The following C9orf153 variants were observed in gnomAD, a reference collection of about 807,000 sequenced individuals.
C9orf153 encodes chromosome 9 open reading frame 153.
C9orf153 carries 10 observed loss-of-function variants against 9.0 expected under a neutral mutation model. The observed-to-expected ratio is 1.11, with a 90% CI of 0.69 to 1.89. The LOEUF (loss-of-function observed/expected upper bound fraction) is 1.89. Ranked by LOEUF, C9orf153 falls within the 40% of genes most tolerant of loss-of-function variation. The pLI is 0.00. For missense variants in C9orf153, 108 were observed against 111.0 expected, an observed-to-expected ratio of 0.97 and a Z score of 0.12; for synonymous variants, 35 against 37.3, an observed-to-expected ratio of 0.94 and a Z score of 0.23.
chr9:86,239,464 C>T (rs968315040), intron 1 of C9orf153, among the ~76,000 whole-genome samples: 15 of 152,166 alleles, frequency 9.9e-5, no homozygotes, highest in African/African-American at 3.6e-4. Flanking sequence ...AGGCAGCTGT[C>T]TGTAGAAATT....
Position 86,221,458 on chromosome 9 carries a change from C to T in C9orf153, c.*230G>A. 8.4e-7 allele frequency: 1 copy of T among 1,192,572 alleles called. No individual in the cohort carries two copies. The highest frequency in any genetic ancestry group is 1.1e-6 in the Non-Finnish European group (1 of 934,972). The allele number at this position is 1,192,572 out of a possible 1,614,324, so 73.9% of individuals were successfully genotyped here. ...TTTTTGTGTATTAAATCAATGCTCTCAAAAGCAAAAATCTACGTCCAAAAT... is the reference window on the plus strand; with the variant it reads ...TTTTTGTGTATTAAATCAATGCTCTTAAAAGCAAAAATCTACGTCCAAAAT... On this transcript the variant is annotated 3_prime_UTR_variant, in exon 4 of 4. Coordinates refer to ENST00000339137, the MANE Select transcript of C9orf153 (RefSeq NM_001276366.4).
In C9orf153 at chr9:86,221,802, T is replaced by G; in HGVS notation, c.243-69A>C. 4.6e-6 allele frequency: 5 copies of G among 1,075,708 alleles called. No homozygotes were observed. In the East Asian group the frequency reaches 1.1e-4, roughly 23 times the overall value. The allele number at this position is 1,075,708 out of a possible 1,614,324, so 66.6% of individuals were successfully genotyped here. On this transcript the variant is annotated intron_variant, in intron 3 of 3. Coordinates refer to ENST00000339137, the MANE Select transcript of C9orf153 (RefSeq NM_001276366.4). ...TCAGCCTTTCATTACTCAGAGATGC[T>G]TCATGGACAGGGTAAACCTTTGATG...
intron 1 of C9orf153, among the ~76,000 whole-genome samples, chr9:86,236,474 G>C (rs1824590732): frequency 6.6e-6 from 1 of 151,020 alleles, no homozygotes; most frequent in Non-Finnish European, 1.5e-5. Context: ...GCTTGAACCT[G>C]GGAGGCAGAG....
Position 86,227,522 on chromosome 9 carries a change from T to C in C9orf153, c.242+333A>G. 10 of 1,363,948 alleles carry C rather than the reference T, an allele frequency of 7.3e-6. No homozygotes were observed. In the South Asian group the frequency reaches 2.0e-4, roughly 27 times the overall value. 84.5% of individuals were successfully genotyped at this position (1,363,948 alleles called of 1,614,324 possible). ...AGATTTCCATTCCTTTTCTCCCACA[T>C]GGCCTCATCTGTTTAAATTACCTGG... On this transcript the variant is annotated intron_variant, in intron 3 of 3. Coordinates refer to ENST00000339137, the MANE Select transcript of C9orf153 (RefSeq NM_001276366.4).
intron 1 of C9orf153, among the ~76,000 whole-genome samples, chr9:86,241,848 ACTC>A (rs1398568170): frequency 6.6e-6 from 1 of 151,326 alleles, no homozygotes; most frequent in Non-Finnish European, 1.5e-5. Flanking sequence ...CTGGTCTTGA[ACTC>A]CTGGCCTCAA....
chr9:86,240,075 A>T (rs904196261), intron 1 of C9orf153, among the ~76,000 whole-genome samples: 1 of 152,200 alleles, frequency 6.6e-6, no homozygotes, highest in Non-Finnish European at 1.5e-5. Context: ...TTCTGTGAAC[A>T]TTTACTATAT....
chr9:86,234,888 G>A (rs867036053), intron 1 of C9orf153, among the ~76,000 whole-genome samples: 1 of 152,160 alleles, frequency 6.6e-6, no homozygotes, highest in Non-Finnish European at 1.5e-5. Flanking sequence ...TATGGGCAAC[G>A]GGACTTCTAG....
Position 86,245,118 on chromosome 9 carries a change from A to T in C9orf153, c.-27+14432T>A, listed in dbSNP as rs570933749. Among the ~76,000 whole-genome samples the T allele has an allele frequency of 2.6e-5, 4 of 152,164 alleles. No homozygotes were observed. In the South Asian group the frequency reaches 8.3e-4, roughly 32 times the overall value. On this transcript the variant is annotated intron_variant, in intron 1 of 3. Transcript: ENST00000339137. ...ATTTTTGTGTTTTTAGTAGAGACGG[A>T]GTCTCACCGTGTTGGCCAGGCTGGT...
rs578115616 is a variant in C9orf153, at chr9:86,249,281, G to A, written c.-27+10269C>T. On this transcript the variant is annotated intron_variant, in intron 1 of 3. Transcript: ENST00000339137. The stretch of plus-strand genomic sequence containing the variant: ...GAGTGTGGACAGCCATTCAGAGACT[G>A]TTCCTTTCTTTTTAGAGCAGGAGTC... Among the ~76,000 whole-genome samples the A allele has an allele frequency of 3.9e-5, 6 of 152,280 alleles. No homozygotes were observed. The South Asian group carries it at 1.2e-3, about 32-fold the overall frequency.
intron 3 of C9orf153, chr9:86,227,324 T>TTTAG (rs768335029): frequency 7.5e-6 from 11 of 1,460,244 alleles, no homozygotes; most frequent in Non-Finnish European, 9.0e-6. Context: ...TTTTTATTTA[T>TTTAG]TTATTTATTT....
chr9:86,240,711 T>TC (rs1554685458), intron 1 of C9orf153, among the ~76,000 whole-genome samples: 39 of 34,300 alleles, frequency 1.1e-3, no homozygotes, highest in East Asian at 0.019. Context: ...CTTTTTCTTT[T>TC]TTTTTTTTTT....
At chr9:86,236,510 T>C (rs372493593) in intron 1 of C9orf153, among the ~76,000 whole-genome samples, 1 of 147,190 alleles carries the variant, frequency 6.8e-6, no homozygotes, top group African/African-American at 2.5e-5. Context: ...TATCACGCCA[T>C]TGCACTCCAG....
intron 1 of C9orf153, among the ~76,000 whole-genome samples, chr9:86,252,993 A>AC (rs1357072343): frequency 1.7e-5 from 2 of 117,078 alleles, no homozygotes; most frequent in Non-Finnish European, 3.9e-5. Context: ...AGTTAAGAAA[A>AC]CTTTTTTTTT....
At chr9:86,225,100 G>C (rs1053842568) in intron 3 of C9orf153, among the ~76,000 whole-genome samples, 2 of 152,106 alleles carry the variant, frequency 1.3e-5, no homozygotes, top group African/African-American at 2.4e-5. Flanking sequence ...GAGCTCATAC[G>C]ATAGAAGAGC....
chr9:86,245,172 C>T (rs558675098), intron 1 of C9orf153, among the ~76,000 whole-genome samples: 66 of 152,302 alleles, frequency 4.3e-4, no homozygotes, highest in South Asian at 3.5e-3. Context: ...GGTGATCCAC[C>T]CACCTCGGCC....
In C9orf153 at chr9:86,220,616, T is replaced by C. The variant is rs1824176114; in HGVS notation, c.*1072A>G. 6.6e-6 allele frequency: 1 copy of C among 152,200 alleles called. No individual in the cohort carries two copies. The highest frequency in any genetic ancestry group is 2.1e-4 in the South Asian group (1 of 4,832). The allele number at this position is 152,200 out of a possible 1,614,324, so 9.4% of individuals were successfully genotyped here. ...TTGTATGTAATCCATCTCTCTTTCG[T>C]AGATTATATTTTCCTTTACTGCTTA... On this transcript the variant is annotated 3_prime_UTR_variant, in exon 4 of 4. Coordinates refer to ENST00000339137, the MANE Select transcript of C9orf153 (RefSeq NM_001276366.4).
chr9:86,259,090 C>G (rs923635105), intron 1 of C9orf153, among the ~76,000 whole-genome samples: 5 of 150,994 alleles, frequency 3.3e-5, no homozygotes, highest in Admixed American at 2.0e-4. Flanking sequence ...AGTGCAGTGG[C>G]GTGAACACAG....
At chr9:86,236,939 TA>T (rs57214746) in intron 1 of C9orf153, among the ~76,000 whole-genome samples, 5,048 of 80,018 alleles carry the variant, frequency 0.063, 231 homozygotes, top group African/African-American at 0.18. Flanking sequence ...CGTCTCTAAA[TA>T]AAAAAAAAAA....
chr9:86,227,374 C>T (rs779943655), intron 3 of C9orf153: 285 of 1,524,182 alleles, frequency 1.9e-4, no homozygotes, highest in Non-Finnish European at 2.4e-4. Context: ...CTATGTTTTC[C>T]AGGCTTGTTC....
Sources: gnomAD v4.1 joint callset for allele counts (sites outside exome capture counted in the v4.1 genomes callset) on GRCh38, gnomAD v4.1.1 for gene constraint, MANE v1.5 for transcripts, NCBI Gene and HGNC (gene_info 2026-07-23, HGNC 2026-07-21) for gene names.